EHHADH: variants seen among roughly 807,000 people sequenced by gnomAD.
The protein encoded by EHHADH is peroxisomal bifunctional enzyme.
Under a neutral mutation model 64.4 loss-of-function variants are expected in EHHADH, and 48 were observed. The observed-to-expected ratio is 0.75, with a 90% CI of 0.59 to 0.95. The LOEUF (loss-of-function observed/expected upper bound fraction) is 0.95, where lower values mean the gene tolerates loss of function less well. Ranked by LOEUF, EHHADH falls within the 40% of genes least tolerant of loss-of-function variation. The pLI is 0.00. For missense variants in EHHADH, 854 were observed against 876.6 expected, an observed-to-expected ratio of 0.97 and a Z score of 0.33; for synonymous variants, 308 against 326.7, an observed-to-expected ratio of 0.94 and a Z score of 0.62.
At chr3:185,218,283 A>T in intron 4 of EHHADH, 43 bp from the exon 5 acceptor site, 1 of 1,447,700 alleles carries the variant, frequency 6.9e-7, no homozygotes, top group South Asian at 1.2e-5. Flanking sequence ...TCAAAGAGCG[A>T]TGTAAGATTA....
Position 185,193,118 on chromosome 3 carries a change from A to G in EHHADH, c.1280T>C (p.Leu427Ser), listed in dbSNP as rs775269382. ...EIASSTDRPHLVIGTHFFSPA... is the reference protein window; with the variant it reads ...EIASSTDRPHSVIGTHFFSPA... ...CGAAAAGAAGTGGGTGCCAATGACCAAGTGAGGACGATCAGTGGAAGAAGC... is the reference window on the plus strand; with the variant it reads ...CGAAAAGAAGTGGGTGCCAATGACCGAGTGAGGACGATCAGTGGAAGAAGC... The change falls in exon 7 of 7, where the codon TTG becomes TCG. Residue 427 changes from leucine (L) to serine (S), a missense_variant. Leu to Ser is a moderately radical substitution (Grantham distance 145). Coordinates refer to ENST00000231887, the MANE Select transcript of EHHADH (RefSeq NM_001966.4). 6.2e-7 allele frequency: 1 copy of G among 1,613,490 alleles called. No homozygotes were observed. Among genetic ancestry groups the G allele is most frequent in the East Asian group, 2.2e-5 (1 of 44,866 alleles).
At chr3:185,211,546 C>T (rs984415603) in intron 5 of EHHADH, among the ~76,000 whole-genome samples, 15 of 152,160 alleles carry the variant, frequency 9.9e-5, no homozygotes, top group African/African-American at 3.6e-4. Flanking sequence ...TGAACACAGA[C>T]ATCAAGGAAT....
In EHHADH at chr3:185,235,191, TAAATA is replaced by T. The variant is rs1461345939; in HGVS notation, c.351+94_351+98del. On this transcript the variant is annotated intron_variant, in intron 3 of 6. Transcript: ENST00000231887. ...TGAGACTCCATCTCAAAAAAACAAA[TAAATA>T]AAATAATCACCGCTGATACTTATGA... The T allele has an allele frequency of 3.3e-6, 4 of 1,224,864 alleles. No individual in the cohort carries two copies. In the African/African-American group the frequency reaches 4.7e-5, roughly 14 times the overall value. The allele number at this position is 1,224,864 out of a possible 1,614,324, so 75.9% of individuals were successfully genotyped here.
chr3:185,232,016 G>A lies in EHHADH; in HGVS notation c.352-2473C>T, dbSNP rs368862158. On this transcript the variant is annotated intron_variant, in intron 3 of 6. Coordinates refer to ENST00000231887, the MANE Select transcript of EHHADH (RefSeq NM_001966.4). ...CAGTAATCTCAGTCCAGACAAGAAGGGGAGCTTGAGTCCTTTATTTTATTG... is the reference window on the plus strand; with the variant it reads ...CAGTAATCTCAGTCCAGACAAGAAGAGGAGCTTGAGTCCTTTATTTTATTG... Among the ~76,000 whole-genome samples the A allele has an allele frequency of 3.9e-5, 6 of 152,032 alleles. No homozygotes were observed. The South Asian group carries it at 1.2e-3, about 31-fold the overall frequency.
intron 4 of EHHADH, among the ~76,000 whole-genome samples, chr3:185,226,664 AAAAG>A (rs1553778530): frequency 8.1e-5 from 11 of 135,806 alleles, no homozygotes; most frequent in Non-Finnish European, 1.1e-4. Flanking sequence ...AAAAAAAAAA[AAAAG>A]AAAGAAAGAA....
intron 5 of EHHADH, among the ~76,000 whole-genome samples, chr3:185,209,601 C>A (rs1029080156): frequency 6.6e-6 from 1 of 152,200 alleles, no homozygotes; most frequent in East Asian, 1.9e-4. Flanking sequence ...TGGCATTGAG[C>A]CCCTCTGGCA....
At chr3:185,236,167 G>GT (rs1352093806) in intron 2 of EHHADH, among the ~76,000 whole-genome samples, 2 of 152,260 alleles carry the variant, frequency 1.3e-5, no homozygotes, top group East Asian at 1.9e-4. Context: ...GGAGTTCTTA[G>GT]TTTTTTTCCA....
intron 3 of EHHADH, among the ~76,000 whole-genome samples, chr3:185,233,332 C>T (rs1719189048): frequency 6.6e-6 from 1 of 151,868 alleles, no homozygotes; most frequent in African/African-American, 2.4e-5. Context: ...ACCAAGTTAA[C>T]CACCATTAAG....
At position 185,191,537 on chromosome 3, in the gene EHHADH, A is replaced by G. The variant is rs1717867731; in HGVS notation, c.*689T>C. 6.6e-6 allele frequency: 1 copy of G among 152,238 alleles called. No homozygotes were observed. The allele number at this position is 152,238 out of a possible 1,614,324, so 9.4% of individuals were successfully genotyped here. On this transcript the variant is annotated 3_prime_UTR_variant, in exon 7 of 7. Coordinates refer to ENST00000231887, the MANE Select transcript of EHHADH (RefSeq NM_001966.4). The stretch of plus-strand genomic sequence containing the variant: ...TTTTTCAAGATTCAACCATTTCCAT[A>G]TGTAACATCACAGAGGCTTGTCATG...
In EHHADH at chr3:185,248,493, T is replaced by C; in HGVS notation, c.99A>G (p.Lys33=). 1 of 1,613,058 alleles carries C rather than the reference T, an allele frequency of 6.2e-7. No homozygotes were observed. The highest frequency in any genetic ancestry group is 8.5e-7 in the Non-Finnish European group (1 of 1,179,458). ...AISTTLLRDI[K]EGLQKAVIDH... is the part of the protein sequence containing the mutation. Reference sequence around the variant, plus strand: ...CTATTACAGCTTTCTGTAGTCCTTCTTTTATGTCACGGAGTAAAGTCGTAC... The same window carrying C: ...CTATTACAGCTTTCTGTAGTCCTTCCTTTATGTCACGGAGTAAAGTCGTAC... The change falls in exon 2 of 7, where the codon AAA becomes AAG. Residue 33 remains lysine (K), a synonymous_variant. Coordinates refer to ENST00000231887, the MANE Select transcript of EHHADH (RefSeq NM_001966.4).
At position 185,192,824 on chromosome 3, in the gene EHHADH, G is replaced by A; in HGVS notation, c.1574C>T (p.Ala525Val). 2 of 1,614,052 alleles carry A rather than the reference G, an allele frequency of 1.2e-6. No homozygotes were observed. Among genetic ancestry groups the A allele is most frequent in the Non-Finnish European group, 8.5e-7 (1 of 1,180,000 alleles). ...AGATTTCCAGCCCACATCCAACCCA[G>A]CAAGATCAGACACTCTAAAAGGTCC... ...KMGPFRVSDL[A>V]GLDVGWKSRK... The change falls in exon 7 of 7, where the codon GCT (alanine) becomes GTT (valine). Residue 525 changes from alanine to valine, a missense_variant. Ala to Val is a moderately conservative substitution (Grantham distance 64). Transcript: ENST00000231887.
At position 185,235,354 on chromosome 3, in the gene EHHADH, C is replaced by T; in HGVS notation, c.287G>A (p.Gly96Asp). The T allele has an allele frequency of 6.2e-7, 1 of 1,613,940 alleles. No individual in the cohort carries two copies. The highest frequency in any genetic ancestry group is 1.1e-5 in the South Asian group (1 of 91,062). The change falls in exon 3 of 7, where the codon GGC becomes GAC. Residue 96 changes from glycine (G) to aspartate (D), a missense_variant. Coordinates refer to ENST00000231887, the MANE Select transcript of EHHADH (RefSeq NM_001966.4). ...NEKPVVAAIQ[G>D]MAFGGGLELA... is the part of the protein sequence containing the mutation. Reference sequence around the variant, plus strand: ...CTCTAGTCCCCCTCCGAAAGCCATGCCTTGGATTGCTGCCACCACGGGCTT... The same window carrying T: ...CTCTAGTCCCCCTCCGAAAGCCATGTCTTGGATTGCTGCCACCACGGGCTT...
chr3:185,209,942 C>A (rs1718493905), intron 5 of EHHADH, among the ~76,000 whole-genome samples: 1 of 152,184 alleles, frequency 6.6e-6, no homozygotes, highest in Non-Finnish European at 1.5e-5. Context: ...AGAGTTAGCC[C>A]AATCCTCAAT....
rs766737490 is a variant in EHHADH, at chr3:185,243,169, C to A, written c.178+5245G>T. ...GGGTGTGTGTTCCAGAATGGAGGAT[C>A]TCCCTCTCCCATTTCCGCAGTTTGG... is the stretch of plus-strand genomic sequence containing the variant. On this transcript the variant is annotated intron_variant, in intron 2 of 6. Coordinates refer to ENST00000231887, the MANE Select transcript of EHHADH (RefSeq NM_001966.4). Among the ~76,000 whole-genome samples, 183 of 152,348 alleles carry A rather than the reference C, an allele frequency of 1.2e-3. 1 individual carries two copies. Among genetic ancestry groups the A allele is most frequent in the Non-Finnish European group, 2.4e-4 (16 of 68,040 alleles).
rs1164682195 is a variant in EHHADH at position 185,223,382 on chromosome 3, TGA to T, written c.464-5144_464-5143del. Among the ~76,000 whole-genome samples the T allele has an allele frequency of 2.6e-5, 4 of 152,184 alleles. 1 individual carries two copies. The highest frequency in any genetic ancestry group is 5.9e-5 in the Non-Finnish European group (4 of 68,034). ...TTTTCTTTTCTAGTTTAGAATAATG[TGA>T]GTTTTCTAAAATTTTTTGTTTTCTT... is the stretch of plus-strand genomic sequence containing the variant. On this transcript the variant is annotated intron_variant, in intron 4 of 6. Transcript: ENST00000231887.
chr3:185,248,639 C>A, intron 1 of EHHADH, 122 bp from the exon 2 acceptor site: 1 of 647,890 alleles, frequency 1.5e-6, no homozygotes, highest in Non-Finnish European at 2.6e-6. Flanking sequence ...ACTGTAGATA[C>A]TTCTCAATAA....
chr3:185,191,129 A>C lies in EHHADH; in HGVS notation c.*1097T>G, dbSNP rs1403375692. ...CTTAGGCAACCACTAATGTACGGAA[A>C]GTATTTTTTGTAGAGACAGGGTTTT... is the stretch of plus-strand genomic sequence containing the variant. On this transcript the variant is annotated 3_prime_UTR_variant, in exon 7 of 7. Transcript: ENST00000231887. 1 of 152,168 alleles carries C rather than the reference A, an allele frequency of 6.6e-6. No individual in the cohort carries two copies. The highest frequency in any genetic ancestry group is 1.5e-5 in the Non-Finnish European group (1 of 68,040). 9.4% of individuals were successfully genotyped at this position (152,168 alleles called of 1,614,324 possible).
intron 4 of EHHADH, among the ~76,000 whole-genome samples, chr3:185,221,034 G>A (rs1185016218): frequency 6.6e-6 from 1 of 152,162 alleles, no homozygotes; most frequent in African/African-American, 2.4e-5. Flanking sequence ...TTTTCTGCAT[G>A]TTAAAAATAG....
chr3:185,197,013 A>AT (rs1560006129), intron 6 of EHHADH, among the ~76,000 whole-genome samples: 4 of 152,062 alleles, frequency 2.6e-5, no homozygotes, highest in Non-Finnish European at 5.9e-5. Flanking sequence ...AAGAAAAAAA[A>AT]AAAAAAGCCA....
Sources: allele counts gnomAD v4.1 joint callset (sites outside exome capture counted in the v4.1 genomes callset), GRCh38; gene constraint gnomAD v4.1.1; transcripts MANE v1.5; gene names NCBI Gene and HGNC (gene_info 2026-07-23, HGNC 2026-07-21).